The following SCN2A variants were observed in gnomAD, a reference collection of about 807,000 sequenced individuals.
The protein encoded by SCN2A is sodium channel protein type 2 subunit alpha.
In SCN2A, 20 loss-of-function variants were observed where a neutral mutation model predicts 188.7. The observed-to-expected ratio is 0.11, with a 90% CI of 0.07 to 0.15. SCN2A has a LOEUF of 0.15. SCN2A is among the 10% of genes least tolerant of loss of function. The pLI, the probability that SCN2A is intolerant of heterozygous loss-of-function variation, is 1.00. For missense variants in SCN2A, 1,278 were observed against 2,445.0 expected (o/e 0.52, Z 10.07); for synonymous variants, 804 against 833.1 (o/e 0.97, Z 0.60).
At chr2:165,319,627 G>A (rs1697966557) in intron 11 of SCN2A, among the ~76,000 whole-genome samples, 1 of 152,146 alleles carries the variant, frequency 6.6e-6, no homozygotes, top group African/African-American at 2.4e-5. Flanking sequence ...AATCATGGCA[G>A]AAAGCAAAGA....
In SCN2A at chr2:165,376,730, G is replaced by A. The variant is rs376450419; in HGVS notation, c.4255-867G>A. Among the ~76,000 whole-genome samples the A allele has an allele frequency of 5.7e-4, 86 of 152,060 alleles. 1 individual carries two copies. Among genetic ancestry groups the A allele is most frequent in the South Asian group, 2.1e-4 (1 of 4,820 alleles). On this transcript the variant is annotated intron_variant, in intron 22 of 26. Transcript: ENST00000375437. Reference sequence around the variant, plus strand: ...TGTGTGTGTGTGTATGTGTCCACACGCGTGTGTGTAGATAGAGAAAGAGAG... The same window carrying A: ...TGTGTGTGTGTGTATGTGTCCACACACGTGTGTGTAGATAGAGAAAGAGAG...
intron 13 of SCN2A, among the ~76,000 whole-genome samples, chr2:165,329,337 G>A (rs184218517): frequency 3.9e-5 from 6 of 152,222 alleles, no homozygotes; most frequent in South Asian, 2.1e-4. Context: ...AGTTAGAAGC[G>A]CCTGAAGAAT....
chr2:165,343,411 G>T (rs1180044582), intron 15 of SCN2A, among the ~76,000 whole-genome samples: 1 of 152,120 alleles, frequency 6.6e-6, no homozygotes, highest in African/African-American at 2.4e-5. Flanking sequence ...AATTTAAAAT[G>T]ATAAAACAAG....
intron 1 of SCN2A, among the ~76,000 whole-genome samples, chr2:165,264,169 C>T (rs578119127): frequency 1.3e-5 from 2 of 152,208 alleles, no homozygotes; most frequent in Non-Finnish European, 2.9e-5. Flanking sequence ...GCTAAAACTT[C>T]CAATACTATG....
chr2:165,353,843 T>C (rs1383806303), intron 16 of SCN2A, among the ~76,000 whole-genome samples: 1 of 152,032 alleles, frequency 6.6e-6, no homozygotes, highest in African/African-American at 2.4e-5. Flanking sequence ...ACATGAGACT[T>C]GGGAGGGGGC....
chr2:165,362,661 T>G (rs553589645), intron 17 of SCN2A, among the ~76,000 whole-genome samples: 2 of 152,212 alleles, frequency 1.3e-5, no homozygotes, highest in Admixed American at 1.3e-4. Flanking sequence ...CTAGAGTACA[T>G]GTGTATTATT....
At chr2:165,249,623 A>G (rs1000670721) in intron 1 of SCN2A, among the ~76,000 whole-genome samples, 10 of 152,022 alleles carry the variant, frequency 6.6e-5, no homozygotes, top group Non-Finnish European at 1.0e-4. Context: ...TGTGTTTTCA[A>G]TCCCTTAAGT....
chr2:165,310,583 A>G lies in SCN2A; in HGVS notation c.958A>G (p.Ile320Val). 2 of 1,610,608 alleles carry G rather than the reference A, an allele frequency of 1.2e-6. No individual in the cohort carries two copies. Among genetic ancestry groups the G allele is most frequent in the Non-Finnish European group, 1.7e-6 (2 of 1,177,366 alleles). ...TVSIFNWDEY[I>V]EDKSHFYFLE... ...GAGCATATTTAACTGGGATGAATATATTGAGGATAAAAGTAAGATATACTC... is the reference window on the plus strand; with the variant it reads ...GAGCATATTTAACTGGGATGAATATGTTGAGGATAAAAGTAAGATATACTC... The change falls in exon 7 of 27, where the codon ATT (isoleucine) becomes GTT (valine). Residue 320 changes from isoleucine to valine, a missense_variant. Around this residue, in one of 17 missense-constraint regions of SCN2A, gnomAD observed 45 missense variants for 58.1 expected, o/e 0.77. Transcript: ENST00000375437.
At chr2:165,306,126 G>T (rs1697114244) in intron 3 of SCN2A, among the ~76,000 whole-genome samples, 1 of 152,186 alleles carries the variant, frequency 6.6e-6, no homozygotes, top group South Asian at 2.1e-4. Context: ...GGGAAGTGGA[G>T]GCGGGGCATT....
At chr2:165,369,219 G>A (rs947367790) in intron 19 of SCN2A, among the ~76,000 whole-genome samples, 14 of 152,112 alleles carry the variant, frequency 9.2e-5, no homozygotes, top group Admixed American at 5.9e-4. Context: ...GTGAACCACC[G>A]CACCTTGCCA....
intron 1 of SCN2A, among the ~76,000 whole-genome samples, chr2:165,258,497 A>G (rs1377388082): frequency 6.6e-6 from 1 of 152,196 alleles, no homozygotes; most frequent in Non-Finnish European, 1.5e-5. Context: ...ATTGTAAATT[A>G]GTTCAGCAAT....
At chr2:165,294,040 A>AAAATT (rs780674346) in intron 1 of SCN2A, 21 of 630,330 alleles carry the variant, frequency 3.3e-5, no homozygotes, top group Non-Finnish European at 3.6e-5. Flanking sequence ...AAAAAAAAAG[A>AAAATT]TTTTTTTTTT....
intron 14 of SCN2A, among the ~76,000 whole-genome samples, chr2:165,341,684 T>G (rs1309548914): frequency 6.6e-6 from 1 of 152,240 alleles, no homozygotes; most frequent in Non-Finnish European, 1.5e-5. Context: ...GCTGAAGTAC[T>G]GAGACTGTGC....
intron 1 of SCN2A, among the ~76,000 whole-genome samples, chr2:165,262,132 T>G (rs781446379): frequency 6.6e-6 from 1 of 152,180 alleles, no homozygotes; most frequent in African/African-American, 2.4e-5. Flanking sequence ...TTCACTTTTA[T>G]TTTAAGTGAA....
chr2:165,377,683 G>T, intron 23 of SCN2A, 33 bp downstream of exon 23: 1 of 1,520,406 alleles, frequency 6.6e-7, no homozygotes, highest in Non-Finnish European at 9.1e-7. Flanking sequence ...TGTTTAGTTT[G>T]ATTAAATGTA....
intron 25 of SCN2A, 29 bp from the exon 26 acceptor site, chr2:165,386,717 A>T (rs745489019): frequency 1.2e-6 from 2 of 1,603,042 alleles, no homozygotes. Context: ...AAGGTTTCTA[A>T]TGGAACTTTT....
intron 1 of SCN2A, chr2:165,243,681 T>C (rs1157486013): frequency 1.3e-5 from 2 of 151,888 alleles, no homozygotes; most frequent in Non-Finnish European, 2.9e-5. Flanking sequence ...CTACCAGAAG[T>C]TCCTTTTTTC....
intron 1 of SCN2A, among the ~76,000 whole-genome samples, chr2:165,291,464 T>TTC (rs1176909532): frequency 2.7e-5 from 1 of 36,950 alleles, no homozygotes; most frequent in Non-Finnish European, 6.6e-5. Context: ...CTTTCTTTCT[T>TTC]TCTTTCTTTC....
chr2:165,328,537 G>C, intron 13 of SCN2A: 1 of 983,862 alleles, frequency 1.0e-6, no homozygotes, highest in Non-Finnish European at 1.2e-6. Context: ...GAAGGAGACA[G>C]GGTAAGTCTA....
Sources: allele counts gnomAD v4.1 joint callset (sites outside exome capture counted in the v4.1 genomes callset), GRCh38; gene constraint gnomAD v4.1.1; regional missense constraint gnomAD v4.1.1; transcripts MANE v1.5; gene names NCBI Gene and HGNC (gene_info 2026-07-23, HGNC 2026-07-21).